The following LRRC28 variants were observed in gnomAD, a reference collection of about 807,000 sequenced individuals.
LRRC28 encodes the protein leucine-rich repeat-containing protein 28.
LRRC28 carries 39 observed loss-of-function variants against 45.7 expected under a neutral mutation model. The ratio of observed to expected loss-of-function variants is 0.85; its 90% confidence interval spans 0.66 to 1.12. The LOEUF (loss-of-function observed/expected upper bound fraction) is 1.12, where lower values mean the gene tolerates loss of function less well. Ranked by LOEUF, LRRC28 falls within the 50% of genes most tolerant of loss-of-function variation. LRRC28 has a pLI of 0.00. For synonymous variants in LRRC28, 206 were observed against 178.8 expected (o/e 1.15, Z -1.22); for missense variants, 435 against 438.5 (o/e 0.99, Z 0.07).
At chr15:99,322,309 C>G (rs971827884) in intron 5 of LRRC28, among the ~76,000 whole-genome samples, 1 of 152,070 alleles carries the variant, frequency 6.6e-6, no homozygotes, top group Non-Finnish European at 1.5e-5. Flanking sequence ...TCACTGGCTT[C>G]TGTGACATTG....
At chr15:99,380,196 A>G (rs989201521) in intron 9 of LRRC28, among the ~76,000 whole-genome samples, 31 of 152,296 alleles carry the variant, frequency 2.0e-4, no homozygotes, top group African/African-American at 7.5e-4. Context: ...GTCTGTAAGT[A>G]CTTGCTTTAT....
At chr15:99,293,081 G>A (rs1202731018) in intron 5 of LRRC28, among the ~76,000 whole-genome samples, 2 of 152,024 alleles carry the variant, frequency 1.3e-5, no homozygotes, top group African/African-American at 4.8e-5. Flanking sequence ...TTCCTCCATT[G>A]GCTTTTCTCT....
chr15:99,287,389 T>G, intron 4 of LRRC28, 95 bp downstream of exon 4: 2 of 948,810 alleles, frequency 2.1e-6, no homozygotes, highest in Non-Finnish European at 3.0e-6. Context: ...ACCTTTAATT[T>G]TTTAGCTTCA....
At chr15:99,321,416 A>G (rs1421601402) in intron 5 of LRRC28, among the ~76,000 whole-genome samples, 10 of 152,204 alleles carry the variant, frequency 6.6e-5, no homozygotes, top group Non-Finnish European at 1.2e-4. Flanking sequence ...AAAATGCGTA[A>G]GAGACTGGGG....
rs1258424373 is a variant in LRRC28 at position 99,389,880 on chromosome 15, G to T, written c.*3778G>T. ...GCCTATAATCCCAGCACTTTGGGAGGCCGAGGAGGGCAGATCATCTGAGGT... is the reference window on the plus strand; with the variant it reads ...GCCTATAATCCCAGCACTTTGGGAGTCCGAGGAGGGCAGATCATCTGAGGT... On this transcript the variant is annotated 3_prime_UTR_variant, in exon 10 of 10. Transcript: ENST00000301981. The T allele has an allele frequency of 1.3e-5, 2 of 152,204 alleles. No individual in the cohort carries two copies. The highest frequency in any genetic ancestry group is 2.9e-5 in the Non-Finnish European group (2 of 68,070). The allele number at this position is 152,204 out of a possible 1,614,324, so 9.4% of individuals were successfully genotyped here.
At chr15:99,341,250 A>C (rs3851679) in intron 6 of LRRC28, among the ~76,000 whole-genome samples, 64,341 of 151,390 alleles carry the variant, frequency 0.43, 15,131 homozygotes, top group African/African-American at 0.65. Context: ...ACTGCCATGG[A>C]TGGCTAATTT....
chr15:99,352,244 CT>C, intron 6 of LRRC28, 124 bp from the exon 7 acceptor site: 1 of 696,618 alleles, frequency 1.4e-6, no homozygotes, highest in East Asian at 2.8e-5. Flanking sequence ...TTATATAACA[CT>C]TTTTATGGTT....
At chr15:99,308,703 G>T (rs1424711020) in intron 5 of LRRC28, among the ~76,000 whole-genome samples, 1 of 152,132 alleles carries the variant, frequency 6.6e-6, no homozygotes, top group African/African-American at 2.4e-5. Context: ...AAATAATCAT[G>T]TACTAGCTTA....
At chr15:99,365,880 A>G (rs915405875) in intron 9 of LRRC28, among the ~76,000 whole-genome samples, 2 of 152,262 alleles carry the variant, frequency 1.3e-5, no homozygotes, top group Non-Finnish European at 2.9e-5. Flanking sequence ...AAAGAAGAAT[A>G]GCTAGTAAAT....
chr15:99,290,721 G>A lies in LRRC28; in HGVS notation c.385+2770G>A, dbSNP rs118114026. ...TCCCACCACTTTGGGAAGCTGAGGC[G>A]AGAGGATCAGGATCGCTTGAAGCCA... On this transcript the variant is annotated intron_variant, in intron 5 of 9. Transcript: ENST00000301981. 1.9e-4 allele frequency among the ~76,000 whole-genome samples: 29 copies of A among 152,060 alleles called. 1 individual carries two copies. In the East Asian group the frequency reaches 5.2e-3, roughly 27 times the overall value.
At chr15:99,373,678 A>T (rs1957546789) in intron 9 of LRRC28, among the ~76,000 whole-genome samples, 1 of 152,192 alleles carries the variant, frequency 6.6e-6, no homozygotes, top group South Asian at 2.1e-4. Context: ...ATTTTTTAAA[A>T]TTAGAGGTAA....
At chr15:99,283,024 C>A (rs1228483833) in intron 3 of LRRC28, among the ~76,000 whole-genome samples, 1 of 152,010 alleles carries the variant, frequency 6.6e-6, no homozygotes, top group African/African-American at 2.4e-5. Flanking sequence ...TCCCAGGTAG[C>A]TGGGATTACA....
Position 99,389,881 on chromosome 15 carries a change from C to A in LRRC28, c.*3779C>A, listed in dbSNP as rs1223138687. ...CCTATAATCCCAGCACTTTGGGAGG[C>A]CGAGGAGGGCAGATCATCTGAGGTC... On this transcript the variant is annotated 3_prime_UTR_variant, in exon 10 of 10. Coordinates refer to ENST00000301981, the MANE Select transcript of LRRC28 (RefSeq NM_144598.5). The A allele has an allele frequency of 6.6e-6, 1 of 152,152 alleles. No homozygotes were observed. The highest frequency in any genetic ancestry group is 1.5e-5 in the Non-Finnish European group (1 of 68,048). The allele number at this position is 152,152 out of a possible 1,614,324, so 9.4% of individuals were successfully genotyped here. A position where few individuals can be genotyped will look rare whatever the true frequency, so the allele number is the denominator to read the frequency against.
chr15:99,265,628 TTTCTAAAACTCTAAAG>T (rs1330548383), intron 2 of LRRC28, among the ~76,000 whole-genome samples: 1 of 152,164 alleles, frequency 6.6e-6, no homozygotes, highest in Non-Finnish European at 1.5e-5. Flanking sequence ...TCACTAGTCC[TTTCTAAAACTCTAAAG>T]TTCCTCAAGG....
chr15:99,350,888 C>A (rs997726988), intron 6 of LRRC28, among the ~76,000 whole-genome samples: 19 of 152,172 alleles, frequency 1.2e-4, no homozygotes, highest in Admixed American at 6.5e-5. Context: ...CAGCCTCGAC[C>A]TCCCAGGCTC....
chr15:99,264,532 A>G (rs2081284047), intron 2 of LRRC28, among the ~76,000 whole-genome samples: 1 of 152,206 alleles, frequency 6.6e-6, no homozygotes, highest in African/African-American at 2.4e-5. Flanking sequence ...GCAATAGTGT[A>G]TCTCCACTTC....
chr15:99,266,758 G>T (rs2081343288), intron 2 of LRRC28, among the ~76,000 whole-genome samples: 1 of 152,166 alleles, frequency 6.6e-6, no homozygotes, highest in Non-Finnish European at 1.5e-5. Flanking sequence ...GTTAAAATAT[G>T]ATAGCAGCTA....
chr15:99,285,043 G>A, intron 3 of LRRC28: 1 of 657,516 alleles, frequency 1.5e-6, no homozygotes, highest in Non-Finnish European at 2.9e-6. Flanking sequence ...CTTTGATGGG[G>A]CTTTCCTGAC....
intron 9 of LRRC28, among the ~76,000 whole-genome samples, chr15:99,377,170 A>G (rs1487819856): frequency 6.6e-6 from 1 of 151,692 alleles, no homozygotes; most frequent in Non-Finnish European, 1.5e-5. Context: ...AACAGTGTAA[A>G]AAGTATTCCT....
Sources: gnomAD v4.1 joint callset for allele counts (sites outside exome capture counted in the v4.1 genomes callset) on GRCh38, gnomAD v4.1.1 for gene constraint, MANE v1.5 for transcripts, NCBI Gene and HGNC (gene_info 2026-07-23, HGNC 2026-07-21) for gene names.